Variants in BTRC observed in about 807,000 individuals in gnomAD.
BTRC encodes beta-transducin repeat containing E3 ubiquitin protein ligase, also known as F-box/WD repeat-containing protein 1A.
In BTRC, 42 loss-of-function variants were observed where a neutral mutation model predicts 85.5. The observed-to-expected ratio is 0.49, with a 90% CI of 0.38 to 0.64. The LOEUF (loss-of-function observed/expected upper bound fraction) is 0.64, where lower values mean the gene tolerates loss of function less well. Among genes scored for constraint, BTRC ranks in the 30% least tolerant of loss-of-function variants. The pLI, the probability that BTRC is intolerant of heterozygous loss-of-function variation, is 0.00. For synonymous variants in BTRC, 255 were observed against 263.3 expected (o/e 0.97, Z 0.30); for missense variants, 594 against 743.5 (o/e 0.80, Z 2.34).
chr10:101,484,543 A>G (rs1042065122), intron 4 of BTRC, among the ~76,000 whole-genome samples: 3 of 152,180 alleles, frequency 2.0e-5, no homozygotes, highest in African/African-American at 7.2e-5. Context: ...GGTCTGTGCT[A>G]TTTATAAGGC....
intron 1 of BTRC, among the ~76,000 whole-genome samples, chr10:101,424,211 G>A (rs1027575229): frequency 2.6e-5 from 4 of 152,080 alleles, no homozygotes; most frequent in African/African-American, 9.7e-5. Context: ...TCCAACCTGG[G>A]CAACAAAAGT....
intron 13 of BTRC, among the ~76,000 whole-genome samples, chr10:101,540,702 G>A (rs1286151837): frequency 2.0e-5 from 3 of 152,046 alleles, no homozygotes; most frequent in Admixed American, 6.5e-5. Context: ...TCAGTGTGTT[G>A]CCCAGACTGG....
At chr10:101,498,736 T>A (rs9419917) in intron 4 of BTRC, among the ~76,000 whole-genome samples, 56,270 of 151,956 alleles carry the variant, frequency 0.37, 11,602 homozygotes, top group Middle Eastern at 0.49. Flanking sequence ...CACGCCTGTA[T>A]TCCCAGCACT....
At chr10:101,419,618 G>A (rs1219532453) in intron 1 of BTRC, among the ~76,000 whole-genome samples, 1 of 152,110 alleles carries the variant, frequency 6.6e-6, no homozygotes, top group African/African-American at 2.4e-5. Context: ...AAACCAAGAA[G>A]GCAATAGAGT....
intron 4 of BTRC, among the ~76,000 whole-genome samples, chr10:101,492,285 A>G (rs1443975997): frequency 6.6e-6 from 1 of 152,230 alleles, no homozygotes; most frequent in Non-Finnish European, 1.5e-5. Flanking sequence ...CCAAAAGGGA[A>G]ATATAGAGAG....
At chr10:101,472,299 C>CTTCTCTTCTT (rs1394365360) in intron 3 of BTRC, among the ~76,000 whole-genome samples, 1 of 149,200 alleles carries the variant, frequency 6.7e-6, no homozygotes, top group Non-Finnish European at 1.5e-5. Flanking sequence ...CTTCTCTTCT[C>CTTCTCTTCTT]TTCTCTTCTC....
At position 101,482,973 on chromosome 10, in the gene BTRC, A is replaced by G. The variant is rs181307453; in HGVS notation, c.324+3516A>G. 2.5e-3 allele frequency among the ~76,000 whole-genome samples: 377 copies of G among 152,326 alleles called. 3 individuals are homozygous for G. Among genetic ancestry groups the G allele is most frequent in the African/African-American group, 8.4e-3 (351 of 41,578 alleles). On this transcript the variant is annotated intron_variant, in intron 4 of 14. Transcript: ENST00000370187. ...ATCAACCATTTTTGTCCTTTAGTTCAAAGAGTGACTTTGGCTTGGCTAGAG... is the reference window on the plus strand; with the variant it reads ...ATCAACCATTTTTGTCCTTTAGTTCGAAGAGTGACTTTGGCTTGGCTAGAG...
At chr10:101,509,243 ATTTTTTTTT>A (rs71016330) in intron 4 of BTRC, among the ~76,000 whole-genome samples, 3 of 69,910 alleles carry the variant, frequency 4.3e-5, no homozygotes, top group African/African-American at 6.8e-5. Context: ...GGCAATGTGG[ATTTTTTTTT>A]TTTTTTTTTT....
At chr10:101,368,128 G>A (rs529546710) in intron 1 of BTRC, among the ~76,000 whole-genome samples, 1 of 152,292 alleles carries the variant, frequency 6.6e-6, no homozygotes, top group South Asian at 2.1e-4. Flanking sequence ...CTCATGAAGG[G>A]CTTGGTGCCA....
At chr10:101,524,600 A>G (rs1289124183) in intron 5 of BTRC, among the ~76,000 whole-genome samples, 2 of 152,154 alleles carry the variant, frequency 1.3e-5, no homozygotes, top group Non-Finnish European at 2.9e-5. Flanking sequence ...ATTACTTCCA[A>G]AGACTTATTT....
At chr10:101,395,399 T>TC (rs1943339408) in intron 1 of BTRC, among the ~76,000 whole-genome samples, 1 of 152,116 alleles carries the variant, frequency 6.6e-6, no homozygotes. Context: ...AGTGTAACCC[T>TC]CCCTTTTGCT....
intron 1 of BTRC, among the ~76,000 whole-genome samples, chr10:101,385,632 T>TTTTTTTTTTTTTTTTTTTTTTTTTG (rs1288309804): frequency 7.0e-6 from 1 of 143,874 alleles, no homozygotes; most frequent in Admixed American, 7.0e-5. Flanking sequence ...TTTTTTTTTT[T>TTTTTTTTTTTTTTTTTTTTTTTTTG]TGTGTGTTCT....
At chr10:101,509,379 C>G (rs1357987247) in intron 4 of BTRC, among the ~76,000 whole-genome samples, 1 of 146,194 alleles carries the variant, frequency 6.8e-6, no homozygotes, top group African/African-American at 2.5e-5. Flanking sequence ...CTCAGCCTCC[C>G]AAGTAGCTGG....
chr10:101,391,444 A>C (rs530789224), intron 1 of BTRC, among the ~76,000 whole-genome samples: 2 of 152,288 alleles, frequency 1.3e-5, no homozygotes, highest in Admixed American at 1.3e-4. Flanking sequence ...TAGGTTAATA[A>C]ATTGTCTCTG....
rs1564722010 is a variant in BTRC at position 101,354,236 on chromosome 10, G to GACGGTGGAGGCCGGGGA, written c.48+20_48+36dup. The GACGGTGGAGGCCGGGGA allele has an allele frequency of 2.6e-6, 4 of 1,548,906 alleles. No individual in the cohort carries two copies. Among genetic ancestry groups the GACGGTGGAGGCCGGGGA allele is most frequent in the Non-Finnish European group, 2.6e-6 (3 of 1,146,504 alleles). On this transcript the variant is annotated intron_variant, in intron 1 of 14. Coordinates refer to ENST00000370187, the MANE Select transcript of BTRC (RefSeq NM_033637.4). Reference sequence around the variant, plus strand: ...AAGGCACTCAAGTTTATGGTGAGGAGACGGTGGAGGCCGGGGAACGGTGGA... The same window carrying GACGGTGGAGGCCGGGGA: ...AAGGCACTCAAGTTTATGGTGAGGAGACGGTGGAGGCCGGGGAACGGTGGAGGCCGGGGAACGGTGGA...
intron 4 of BTRC, among the ~76,000 whole-genome samples, chr10:101,511,414 T>C (rs772868444): frequency 9.9e-5 from 15 of 152,276 alleles, no homozygotes; most frequent in Admixed American, 2.6e-4. Context: ...CTTCTTTTCT[T>C]TTTCTTTTCT....
rs140473979 is a variant in BTRC, at chr10:101,473,892, G to A, written c.235-5476G>A. Among the ~76,000 whole-genome samples, 720 of 152,120 alleles carry A rather than the reference G, an allele frequency of 4.7e-3. 8 individuals are homozygous for A. The highest frequency in any genetic ancestry group is 4.3e-3 in the Non-Finnish European group (293 of 67,972). On this transcript the variant is annotated intron_variant, in intron 3 of 14. Coordinates refer to ENST00000370187, the MANE Select transcript of BTRC (RefSeq NM_033637.4). Reference sequence around the variant, plus strand: ...GGATTACAGGCATGAGCCACCATGCGCAGCCTGAATTTTTCATTTCAGATA... The same window carrying A: ...GGATTACAGGCATGAGCCACCATGCACAGCCTGAATTTTTCATTTCAGATA...
intron 1 of BTRC, among the ~76,000 whole-genome samples, chr10:101,386,033 T>C (rs987378358): frequency 5.9e-5 from 9 of 152,142 alleles, no homozygotes; most frequent in Non-Finnish European, 1.3e-4. Context: ...CAGAGATGAC[T>C]TGGCTGGTAG....
intron 2 of BTRC, among the ~76,000 whole-genome samples, chr10:101,431,863 A>G (rs1367517146): frequency 6.6e-6 from 1 of 152,212 alleles, no homozygotes; most frequent in East Asian, 1.9e-4. Context: ...ACAAAATTTA[A>G]TATTAAACTT....
Sources: gnomAD v4.1 joint callset for allele counts (sites outside exome capture counted in the v4.1 genomes callset) on GRCh38, gnomAD v4.1.1 for gene constraint, MANE v1.5 for transcripts, NCBI Gene and HGNC (gene_info 2026-07-23, HGNC 2026-07-21) for gene names.